OSR1: variants seen among roughly 807,000 people sequenced by gnomAD.
The protein encoded by OSR1 is odd-skipped related transcription factor 1, also known as protein odd-skipped-related 1.
OSR1 carries 3 observed loss-of-function variants against 15.7 expected under a neutral mutation model. That is an observed-to-expected ratio of 0.19 (90% confidence interval 0.09 to 0.50). The LOEUF is 0.50. Ranked by LOEUF, OSR1 falls within the 20% of genes least tolerant of loss-of-function variation. The pLI, the probability that OSR1 is intolerant of heterozygous loss-of-function variation, is 0.97. For missense variants in OSR1, 271 were observed against 351.1 expected (o/e 0.77, Z 1.82); for synonymous variants, 166 against 152.7 (o/e 1.09, Z -0.64).
chr2:19,344,972 A>G, the OSR1 span, among the ~76,000 whole-genome samples: 4 of 152,336 alleles, frequency 2.6e-5, no homozygotes, highest in South Asian at 2.1e-4. Context: ...AGAAGATAAC[A>G]GCAATATAGA....
chr2:19,345,895 T>A, the OSR1 span, among the ~76,000 whole-genome samples: 2 of 152,210 alleles, frequency 1.3e-5, no homozygotes, highest in Non-Finnish European at 2.9e-5. Context: ...CAAATTTCAA[T>A]ATTTAAGGCA....
downstream of OSR1, among the ~76,000 whole-genome samples, chr2:19,348,172 A>G (rs1166670448): frequency 6.6e-6 from 1 of 152,074 alleles, no homozygotes; most frequent in Non-Finnish European, 1.5e-5. Flanking sequence ...GCGGGCAGGG[A>G]GACCACTCTA....
intron 1 of OSR1, chr2:19,354,828 C>T (rs1664918085): frequency 6.6e-6 from 1 of 152,306 alleles, no homozygotes; most frequent in South Asian, 2.1e-4. Context: ...TCAGCATGTT[C>T]TTGTGTGTTG....
In OSR1 at chr2:19,352,260, A is replaced by T; in HGVS notation, c.*15T>A. The stretch of plus-strand genomic sequence containing the variant: ...GGCCGCTGGGCCTAGGGTCCTTGTG[A>T]CCCACAGGTTCTATTTAGCATTTGA... On this transcript the variant is annotated 3_prime_UTR_variant, in exon 3 of 3. Transcript: ENST00000272223. The T allele has an allele frequency of 6.2e-7, 1 of 1,613,774 alleles. No homozygotes were observed. The highest frequency in any genetic ancestry group is 8.5e-7 in the Non-Finnish European group (1 of 1,179,760).
rs753753831 is a variant in OSR1, at chr2:19,353,124, C to T, written c.665+17G>A. On this transcript the variant is annotated intron_variant, in intron 2 of 2. Transcript: ENST00000272223. ...AGAGGCAGAGAGCTCTCTCTTGCGC[C>T]ACCCGCAGTGCCGCACCTGTGGTCT... 2 of 1,611,198 alleles carry T rather than the reference C, an allele frequency of 1.2e-6. No homozygotes were observed. The highest frequency in any genetic ancestry group is 2.2e-5 in the South Asian group (2 of 91,020).
At chr2:19,356,718 G>A (rs1664956559) in intron 1 of OSR1, 1 of 152,250 alleles carries the variant, frequency 6.6e-6, no homozygotes, top group African/African-American at 2.4e-5. Context: ...AAAGAATAAG[G>A]GGACCCGACC....
At chr2:19,349,384 A>G (rs1664793279), downstream of OSR1, among the ~76,000 whole-genome samples, 1 of 152,218 alleles carries the variant, frequency 6.6e-6, no homozygotes, top group Non-Finnish European at 1.5e-5. Flanking sequence ...CCGGGATAAC[A>G]GCAAACATCA....
At chr2:19,347,374 C>A (rs1473629661), downstream of OSR1, among the ~76,000 whole-genome samples, 1 of 152,136 alleles carries the variant, frequency 6.6e-6, no homozygotes, top group Non-Finnish European at 1.5e-5. Context: ...AAGCCCTACC[C>A]CCATTATAGG....
chr2:19,352,244 G>T lies in OSR1; in HGVS notation c.*31C>A, dbSNP rs1370859883. 5 of 1,612,598 alleles carry T rather than the reference G, an allele frequency of 3.1e-6. No homozygotes were observed. In the South Asian group the frequency reaches 5.5e-5, roughly 18 times the overall value. ...TCCCTATGGAGGAGAGGGCCGCTGG[G>T]CCTAGGGTCCTTGTGACCCACAGGT... On this transcript the variant is annotated 3_prime_UTR_variant, in exon 3 of 3. Transcript: ENST00000272223.
Position 19,353,821 on chromosome 2 carries a change from G to A in OSR1, c.-16C>T, listed in dbSNP as rs560393889. On this transcript the variant is annotated 5_prime_UTR_variant, in exon 2 of 3. Transcript: ENST00000272223. ...TGCTGCCCATTTCGGTAGTTGCAGT[G>A]GCTTCTCAATCCGGATCTGCAAAGA... 1 of 1,600,608 alleles carries A rather than the reference G, an allele frequency of 6.2e-7. No homozygotes were observed. The highest frequency in any genetic ancestry group is 1.3e-5 in the African/African-American group (1 of 74,904).
downstream of OSR1, among the ~76,000 whole-genome samples, chr2:19,347,166 T>A (rs1421902269): frequency 6.6e-6 from 1 of 152,120 alleles, no homozygotes; most frequent in African/African-American, 2.4e-5. Flanking sequence ...GGGAATACAG[T>A]AGGTTGGGAG....
downstream of OSR1, among the ~76,000 whole-genome samples, chr2:19,348,877 G>A (rs771483325): frequency 4.7e-4 from 71 of 152,220 alleles, no homozygotes; most frequent in Non-Finnish European, 9.1e-4. Flanking sequence ...CCCTGCCCAA[G>A]AGGCTGTCCT....
At chr2:19,348,543 A>T (rs1448303250), downstream of OSR1, 1 of 154,140 alleles carries the variant, frequency 6.5e-6, no homozygotes, top group Non-Finnish European at 1.5e-5. Flanking sequence ...CTATGGGGAC[A>T]CCAAGATTCT....
chr2:19,352,188 C>T lies in OSR1; in HGVS notation c.*87G>A. 1.4e-6 allele frequency: 2 copies of T among 1,479,478 alleles called. No individual in the cohort carries two copies. Among genetic ancestry groups the T allele is most frequent in the Non-Finnish European group, 1.8e-6 (2 of 1,086,474 alleles). The allele number at this position is 1,479,478 out of a possible 1,614,324, so 91.6% of individuals were successfully genotyped here. On this transcript the variant is annotated 3_prime_UTR_variant, in exon 3 of 3. Coordinates refer to ENST00000272223, the MANE Select transcript of OSR1 (RefSeq NM_145260.3). ...GGTGGAAGGTCCCGAGCGAGCGCCT[C>T]TCCCGCTGCCCGCCAGAGTCAGGCT...
intron 2 of OSR1, 110 bp from the exon 3 acceptor site, chr2:19,352,520 T>C: frequency 7.6e-7 from 1 of 1,309,916 alleles, no homozygotes. Context: ...AGGAAAAGTG[T>C]ATAGTCAGGT....
chr2:19,348,036 C>T (rs530531838), downstream of OSR1, among the ~76,000 whole-genome samples: 84 of 152,362 alleles, frequency 5.5e-4, no homozygotes, highest in Middle Eastern at 3.4e-3. Context: ...CCTGCGAGTT[C>T]CTTTTGCGCC....
chr2:19,352,166 G>A lies in OSR1; in HGVS notation c.*109C>T. ...ACCCAGGGGACAATGTTGGAGAGGT[G>A]GAAGGTCCCGAGCGAGCGCCTCTCC... On this transcript the variant is annotated 3_prime_UTR_variant, in exon 3 of 3. Coordinates refer to ENST00000272223, the MANE Select transcript of OSR1 (RefSeq NM_145260.3). 1 of 1,288,542 alleles carries A rather than the reference G, an allele frequency of 7.8e-7. No homozygotes were observed. The highest frequency in any genetic ancestry group is 1.1e-6 in the Non-Finnish European group (1 of 938,814). 79.8% of individuals were successfully genotyped at this position (1,288,542 alleles called of 1,614,324 possible).
intron 1 of OSR1, chr2:19,356,731 G>C (rs888706991): frequency 6.6e-6 from 1 of 152,226 alleles, no homozygotes; most frequent in Non-Finnish European, 1.5e-5. Context: ...ACCCGACCAC[G>C]CACAGCAGAC....
the OSR1 span, among the ~76,000 whole-genome samples, chr2:19,346,106 T>G: frequency 5.9e-5 from 9 of 152,198 alleles, no homozygotes; most frequent in Non-Finnish European, 1.3e-4. Context: ...TCCCTTGTCA[T>G]GACAAAAACT....
Sources: gnomAD v4.1 joint callset for allele counts (sites outside exome capture counted in the v4.1 genomes callset) on GRCh38, gnomAD v4.1.1 for gene constraint, MANE v1.5 for transcripts, NCBI Gene and HGNC (gene_info 2026-07-23, HGNC 2026-07-21) for gene names.